The following LATS2 variants were observed in gnomAD, a reference collection of about 807,000 sequenced individuals.
The protein encoded by LATS2 is serine/threonine-protein kinase LATS2.
Under a neutral mutation model 76.0 loss-of-function variants are expected in LATS2, and 24 were observed. The ratio of observed to expected loss-of-function variants is 0.32; its 90% CI spans 0.23 to 0.44. The LOEUF (loss-of-function observed/expected upper bound fraction) is 0.44. Among genes scored for constraint, LATS2 ranks in the 20% least tolerant of loss-of-function variants. The probability of loss-of-function intolerance (pLI) is 1.00; values close to 1 mark genes in which losing one functional copy is unlikely to be tolerated. For synonymous variants in LATS2, 692 were observed against 635.4 expected (o/e 1.09, Z -1.34); for missense variants, 1,286 against 1,481.2 (o/e 0.87, Z 2.16).
At chr13:21,036,063 T>A (rs902346224) in intron 2 of LATS2, among the ~76,000 whole-genome samples, 12 of 152,268 alleles carry the variant, frequency 7.9e-5, no homozygotes, top group Middle Eastern at 3.4e-3. Context: ...CACACCTGGA[T>A]AATTTTTGTA....
intron 2 of LATS2, among the ~76,000 whole-genome samples, chr13:21,013,922 G>C (rs1348721000): frequency 6.6e-6 from 1 of 151,942 alleles, no homozygotes; most frequent in Non-Finnish European, 1.5e-5. Flanking sequence ...AGTGAGCTAT[G>C]ATTGCACCAC....
chr13:21,058,304 T>C (rs1873511508), intron 1 of LATS2, among the ~76,000 whole-genome samples: 1 of 152,208 alleles, frequency 6.6e-6, no homozygotes, highest in African/African-American at 2.4e-5. Flanking sequence ...CAAAAGCAGC[T>C]TTTCGAAAAT....
chr13:20,981,666 G>A lies in LATS2; in HGVS notation c.2483-18C>T. ...ATGGCTCCCTTCACCCAGGAATCAG[G>A]GATAGTGAAAGAAAAGAACAAAATA... On this transcript the variant is annotated intron_variant, in intron 5 of 7. Transcript: ENST00000382592. 1.3e-6 allele frequency: 2 copies of A among 1,574,084 alleles called. No homozygotes were observed. Among genetic ancestry groups the A allele is most frequent in the Non-Finnish European group, 1.7e-6 (2 of 1,161,404 alleles).
intron 6 of LATS2, among the ~76,000 whole-genome samples, chr13:20,980,978 C>G (rs1056529327): frequency 6.6e-6 from 1 of 152,224 alleles, no homozygotes; most frequent in Non-Finnish European, 1.5e-5. Flanking sequence ...TTTTACACAA[C>G]TGGCACCTGC....
intron 2 of LATS2, among the ~76,000 whole-genome samples, chr13:21,003,322 C>G (rs1871127714): frequency 6.6e-6 from 1 of 151,888 alleles, no homozygotes; most frequent in South Asian, 2.1e-4. Context: ...GGCCCAATCT[C>G]TGGTCACTGC....
chr13:21,009,902 G>C (rs548453129), intron 2 of LATS2, among the ~76,000 whole-genome samples: 1 of 152,050 alleles, frequency 6.6e-6, no homozygotes, highest in African/African-American at 2.4e-5. Flanking sequence ...CAGACAGCAA[G>C]GAAATAACAC....
At chr13:20,980,184 A>C (rs1202140874) in intron 6 of LATS2, among the ~76,000 whole-genome samples, 1 of 152,210 alleles carries the variant, frequency 6.6e-6, no homozygotes, top group Non-Finnish European at 1.5e-5. Flanking sequence ...GTGAGGGTCA[A>C]GGGAGGCTTC....
At chr13:21,045,350 G>A (rs1388049833) in intron 2 of LATS2, among the ~76,000 whole-genome samples, 1 of 151,694 alleles carries the variant, frequency 6.6e-6, no homozygotes, top group South Asian at 2.1e-4. Context: ...AGAATAACCC[G>A]AATAAACACC....
chr13:20,973,391 TAATGA>T lies in LATS2; in HGVS notation c.*1474_*1478del, dbSNP rs1379297600. The T allele has an allele frequency of 3.0e-5, 7 of 231,630 alleles. No individual in the cohort carries two copies. Among genetic ancestry groups the T allele is most frequent in the African/African-American group, 1.3e-4 (6 of 45,228 alleles). The allele number at this position is 231,630 out of a possible 1,614,324, so 14.3% of individuals were successfully genotyped here. On this transcript the variant is annotated 3_prime_UTR_variant, in exon 8 of 8. Coordinates refer to ENST00000382592, the MANE Select transcript of LATS2 (RefSeq NM_014572.3). ...TCAAGGAAAAATATGTGGAATAATATAATGAAAATTATGAAGCATCAGATTTTTTA... is the reference window on the plus strand; with the variant it reads ...TCAAGGAAAAATATGTGGAATAATATAAATTATGAAGCATCAGATTTTTTA...
At chr13:21,060,353 A>C (rs143882901) in intron 1 of LATS2, among the ~76,000 whole-genome samples, 347 of 152,340 alleles carry the variant, frequency 2.3e-3, no homozygotes, top group African/African-American at 7.8e-3. Flanking sequence ...GTGAGCTTAC[A>C]TCAGAAGAGA....
chr13:20,977,385 CAA>C (rs112150926), intron 7 of LATS2, among the ~76,000 whole-genome samples: 48 of 81,738 alleles, frequency 5.9e-4, no homozygotes, highest in Admixed American at 1.2e-3. Context: ...AACCCTGTCT[CAA>C]AAAAAAAAAA....
At chr13:21,037,582 A>G (rs912592532) in intron 2 of LATS2, among the ~76,000 whole-genome samples, 1 of 152,186 alleles carries the variant, frequency 6.6e-6, no homozygotes, top group Non-Finnish European at 1.5e-5. Flanking sequence ...CTTAAAATCT[A>G]CAAAGGGAGA....
rs375267518 is a variant in LATS2, at chr13:21,045,972, G to A, written c.55C>T (p.Leu19=). Reference sequence around the variant, plus strand: ...TTTAACCCCTCACGAATCTCTTGCAGTCGCTGCCGGCTATTTCCAGAATAA... The same window carrying A: ...TTTAACCCCTCACGAATCTCTTGCAATCGCTGCCGGCTATTTCCAGAATAA... ...TTYSGNSRQR[L]QEIREGLKQP... is the part of the protein sequence containing the mutation. Residue 19 remains leucine, a synonymous_variant, in exon 2 of 8, where the codon CTG becomes TTG. Transcript: ENST00000382592. 155 of 1,613,952 alleles carry A rather than the reference G, an allele frequency of 9.6e-5. No homozygotes were observed. The highest frequency in any genetic ancestry group is 6.4e-5 in the Non-Finnish European group (75 of 1,180,010).
At chr13:21,035,163 G>C (rs1281148703) in intron 2 of LATS2, among the ~76,000 whole-genome samples, 1 of 152,100 alleles carries the variant, frequency 6.6e-6, no homozygotes, top group Non-Finnish European at 1.5e-5. Flanking sequence ...ATTGCATGAT[G>C]AATGTGGCTT....
At chr13:21,009,547 G>T (rs1189495096) in intron 2 of LATS2, among the ~76,000 whole-genome samples, 1 of 152,164 alleles carries the variant, frequency 6.6e-6, no homozygotes, top group East Asian at 1.9e-4. Context: ...AAAAATGTAG[G>T]TAACAAACAC....
At chr13:21,006,419 G>A (rs999431864) in intron 2 of LATS2, among the ~76,000 whole-genome samples, 1 of 152,168 alleles carries the variant, frequency 6.6e-6, no homozygotes, top group Admixed American at 6.5e-5. Flanking sequence ...GCGGAGACTC[G>A]TTGTGGCACC....
At chr13:21,023,355 C>T (rs1255685973) in intron 2 of LATS2, among the ~76,000 whole-genome samples, 3 of 152,068 alleles carry the variant, frequency 2.0e-5, no homozygotes, top group Admixed American at 6.6e-5. Context: ...CGCTCGCCCC[C>T]TCTCCAGGCC....
At chr13:20,975,998 G>A (rs770958277) in intron 7 of LATS2, among the ~76,000 whole-genome samples, 1 of 152,146 alleles carries the variant, frequency 6.6e-6, no homozygotes, top group Non-Finnish European at 1.5e-5. Context: ...AATACTTATT[G>A]CGGTCAAAAA....
rs1565964238 is a variant in LATS2, at chr13:21,043,867, CCTT to C, written c.342+1815_342+1817del. On this transcript the variant is annotated intron_variant, in intron 2 of 7. Coordinates refer to ENST00000382592, the MANE Select transcript of LATS2 (RefSeq NM_014572.3). ...AAGAACACAGGGGCTTGGTTTGCCT[CCTT>C]TGTCTGCAAGTGATTTACAGGAGAA... Among the ~76,000 whole-genome samples, 9 of 152,238 alleles carry C rather than the reference CCTT, an allele frequency of 5.9e-5. 1 individual carries two copies. In the South Asian group the frequency reaches 1.9e-3, roughly 32 times the overall value.
Sources: gnomAD v4.1 joint callset for allele counts (sites outside exome capture counted in the v4.1 genomes callset) on GRCh38, gnomAD v4.1.1 for gene constraint, MANE v1.5 for transcripts, NCBI Gene and HGNC (gene_info 2026-07-23, HGNC 2026-07-21) for gene names.